The following CCDC152 variants were observed in gnomAD, a reference collection of about 807,000 sequenced individuals.
CCDC152 encodes the protein coiled-coil domain-containing protein 152.
CCDC152 carries 37 observed loss-of-function variants against 38.1 expected under a neutral mutation model. The ratio of observed to expected loss-of-function variants is 0.97; its 90% CI spans 0.75 to 1.28. CCDC152 has a LOEUF of 1.28. CCDC152 is among the 50% of genes most tolerant of loss of function. CCDC152 has a pLI of 0.00. For synonymous variants in CCDC152, 83 were observed against 87.1 expected (o/e 0.95, Z 0.26); for missense variants, 259 against 292.1 (o/e 0.89, Z 0.83).
chr5:42,760,684 C>A (rs1251595579), intron 2 of CCDC152, among the ~76,000 whole-genome samples: 1 of 152,130 alleles, frequency 6.6e-6, no homozygotes, highest in Admixed American at 6.5e-5. Flanking sequence ...CTTTTCTATT[C>A]CTTCTTTTCG....
intron 6 of CCDC152, among the ~76,000 whole-genome samples, chr5:42,790,863 A>G (rs957086232): frequency 1.8e-4 from 28 of 152,200 alleles, no homozygotes; most frequent in African/African-American, 6.3e-4. Context: ...AAACATGGTC[A>G]TGAAAACAGG....
chr5:42,764,576 A>G (rs550935074), intron 3 of CCDC152, among the ~76,000 whole-genome samples: 4 of 152,360 alleles, frequency 2.6e-5, no homozygotes, highest in South Asian at 2.1e-4. Flanking sequence ...ATCTTTCATC[A>G]TGACCAAGTG....
chr5:42,776,392 A>G (rs1000148916), intron 4 of CCDC152, among the ~76,000 whole-genome samples: 1 of 152,158 alleles, frequency 6.6e-6, no homozygotes, highest in African/African-American at 2.4e-5. Flanking sequence ...AAGAAGACAT[A>G]AAATTGTTTT....
chr5:42,775,025 G>GAAA (rs35289008), intron 4 of CCDC152, among the ~76,000 whole-genome samples: 1 of 133,148 alleles, frequency 7.5e-6, no homozygotes, highest in Non-Finnish European at 1.6e-5. Flanking sequence ...TGAAATTTCA[G>GAAA]AAAAAAAAAA....
chr5:42,758,827 A>C (rs1252734443), intron 1 of CCDC152, among the ~76,000 whole-genome samples: 1 of 152,226 alleles, frequency 6.6e-6, no homozygotes, highest in Admixed American at 6.5e-5. Flanking sequence ...TTTAATTAAG[A>C]ATAATTACAG....
chr5:42,770,064 C>G (rs577270033), intron 4 of CCDC152, among the ~76,000 whole-genome samples: 5 of 152,162 alleles, frequency 3.3e-5, no homozygotes, highest in Non-Finnish European at 7.4e-5. Context: ...TTGTCATAGA[C>G]TAAGACTATA....
chr5:42,780,245 C>A (rs1406125832), intron 5 of CCDC152, among the ~76,000 whole-genome samples: 3 of 152,170 alleles, frequency 2.0e-5, no homozygotes, highest in African/African-American at 7.2e-5. Context: ...TAAATTCAGT[C>A]TGGTTCCTCA....
At chr5:42,788,327 T>TGCC (rs1218115957) in intron 6 of CCDC152, among the ~76,000 whole-genome samples, 1 of 150,186 alleles carries the variant, frequency 6.7e-6, no homozygotes, top group Admixed American at 6.6e-5. Flanking sequence ...TTAAGGTCAA[T>TGCC]GCCAAAAAAA....
intron 4 of CCDC152, 56 bp downstream of exon 4, chr5:42,769,721 A>G: frequency 7.0e-7 from 1 of 1,434,910 alleles, no homozygotes; most frequent in Non-Finnish European, 9.2e-7. Flanking sequence ...GAGCACCTTT[A>G]AAAATAGGAA....
rs1759716599 is a variant in CCDC152, at chr5:42,772,708, A to G, written c.262+3043A>G. Among the ~76,000 whole-genome samples the G allele has an allele frequency of 2.0e-5, 3 of 152,248 alleles. No individual in the cohort carries two copies. The East Asian group carries it at 5.8e-4, about 29-fold the overall frequency. ...TGAATATTGTATGATGTCTCTTGCA[A>G]ATAAATGATGACTCATTGAGTTCAC... On this transcript the variant is annotated intron_variant, in intron 4 of 8. Transcript: ENST00000361970.
At chr5:42,796,180 A>G (rs1489959792) in intron 6 of CCDC152, among the ~76,000 whole-genome samples, 2 of 151,824 alleles carry the variant, frequency 1.3e-5, no homozygotes, top group African/African-American at 2.4e-5. Flanking sequence ...AGCATGGCAC[A>G]TGTATACATA....
chr5:42,775,890 A>G (rs988884687), intron 4 of CCDC152, among the ~76,000 whole-genome samples: 11 of 151,096 alleles, frequency 7.3e-5, no homozygotes, highest in Non-Finnish European at 1.6e-4. Flanking sequence ...GTAAATGTAT[A>G]TTGCAAATTC....
rs150562433 is a variant in CCDC152, at chr5:42,790,718, G to A, written c.431-6111G>A. 2.5e-3 allele frequency among the ~76,000 whole-genome samples: 380 copies of A among 152,084 alleles called. 5 individuals are homozygous for A. Among genetic ancestry groups the A allele is most frequent in the South Asian group, 3.3e-3 (16 of 4,808 alleles). ...AGTGTTAGATTGTAACATTTTCTAAGAAAGTTTCAACAAAATTGAGCCAAA... is the reference window on the plus strand; with the variant it reads ...AGTGTTAGATTGTAACATTTTCTAAAAAAGTTTCAACAAAATTGAGCCAAA... On this transcript the variant is annotated intron_variant, in intron 6 of 8. Coordinates refer to ENST00000361970, the MANE Select transcript of CCDC152 (RefSeq NM_001134848.2).
chr5:42,790,403 A>T (rs1234987997), intron 6 of CCDC152, among the ~76,000 whole-genome samples: 2 of 152,242 alleles, frequency 1.3e-5, no homozygotes, highest in Non-Finnish European at 2.9e-5. Context: ...TGCCATGTTG[A>T]TAATGCCAAA....
In CCDC152 at chr5:42,779,445, T is replaced by A; in HGVS notation, c.263-13T>A. On this transcript the variant is annotated splice_polypyrimidine_tract_variant and intron_variant, in intron 4 of 8. Coordinates refer to ENST00000361970, the MANE Select transcript of CCDC152 (RefSeq NM_001134848.2). ...GCTATATATTATGATGTTCTTTGAT[T>A]ATTCTTACACAGGTGAAAATGAACA... is the stretch of plus-strand genomic sequence containing the variant. 7.1e-7 allele frequency: 1 copy of A among 1,403,086 alleles called. No individual in the cohort carries two copies. Among genetic ancestry groups the A allele is most frequent in the Non-Finnish European group, 9.8e-7 (1 of 1,017,122 alleles). 86.9% of individuals were successfully genotyped at this position (1,403,086 alleles called of 1,614,324 possible).
In CCDC152 at chr5:42,801,199, G is replaced by A; in HGVS notation, c.*1418G>A. Reference sequence around the variant, plus strand: ...GCTCCTGGTTGCTGATTCTCTGAAAGCTCACTGCTGCCAAGGTGCTGATGT... The same window carrying A: ...GCTCCTGGTTGCTGATTCTCTGAAAACTCACTGCTGCCAAGGTGCTGATGT... On this transcript the variant is annotated 3_prime_UTR_variant, in exon 9 of 9. Coordinates refer to ENST00000361970, the MANE Select transcript of CCDC152 (RefSeq NM_001134848.2). 5.0e-6 allele frequency: 8 copies of A among 1,614,152 alleles called. No individual in the cohort carries two copies. The highest frequency in any genetic ancestry group is 6.8e-6 in the Non-Finnish European group (8 of 1,180,020).
intron 5 of CCDC152, among the ~76,000 whole-genome samples, chr5:42,780,742 C>T (rs1363947596): frequency 6.6e-6 from 1 of 152,108 alleles, no homozygotes; most frequent in Non-Finnish European, 1.5e-5. Flanking sequence ...GGAGAAAACT[C>T]CCCAGGAACA....
At chr5:42,762,600 G>C (rs775352655) in intron 3 of CCDC152, 52 bp downstream of exon 3, 1 of 930,516 alleles carries the variant, frequency 1.1e-6, no homozygotes, top group African/African-American at 1.7e-5. Flanking sequence ...GTGTTTTTCA[G>C]TTCAACAGTG....
chr5:42,761,315 G>A (rs1015338389), intron 2 of CCDC152, among the ~76,000 whole-genome samples: 2 of 152,186 alleles, frequency 1.3e-5, no homozygotes, highest in Admixed American at 6.5e-5. Flanking sequence ...GAATGTAGCT[G>A]TTAAAAAGAA....
Sources: allele counts gnomAD v4.1 joint callset (sites outside exome capture counted in the v4.1 genomes callset), GRCh38; gene constraint gnomAD v4.1.1; transcripts MANE v1.5; gene names NCBI Gene and HGNC (gene_info 2026-07-23, HGNC 2026-07-21).